Variants in TUT4 observed in about 807,000 individuals in gnomAD.
TUT4 encodes the protein terminal uridylyltransferase 4.
A neutral mutation model predicts 192.2 loss-of-function variants in TUT4; 36 were observed. The ratio of observed to expected loss-of-function variants is 0.19; its 90% CI spans 0.14 to 0.25. TUT4 has a LOEUF of 0.25. Ranked by LOEUF, TUT4 falls within the 10% of genes least tolerant of loss-of-function variation. The pLI is 1.00. For synonymous variants in TUT4, 618 were observed against 666.0 expected (o/e 0.93, Z 1.11); for missense variants, 1,493 against 1,957.2 (o/e 0.76, Z 4.47).
chr1:52,478,255 T>C (rs1667592869), intron 11 of TUT4, among the ~76,000 whole-genome samples: 1 of 152,196 alleles, frequency 6.6e-6, no homozygotes, highest in Admixed American at 6.5e-5. Flanking sequence ...CCTTAAGTAA[T>C]TTTCATGTGC....
chr1:52,459,548 C>A (rs2148668948), intron 19 of TUT4, among the ~76,000 whole-genome samples: 1 of 152,274 alleles, frequency 6.6e-6, no homozygotes, highest in Non-Finnish European at 1.5e-5. Context: ...GTAATCACAC[C>A]ACTTTACTCC....
At chr1:52,485,599 G>C (rs1328583759) in intron 9 of TUT4, among the ~76,000 whole-genome samples, 1 of 151,812 alleles carries the variant, frequency 6.6e-6, no homozygotes, top group Non-Finnish European at 1.5e-5. Context: ...TTTAATAAAT[G>C]GTTTTCATCA....
chr1:52,493,464 T>C (rs1671690244), intron 7 of TUT4, 147 bp downstream of exon 7: 1 of 559,648 alleles, frequency 1.8e-6, no homozygotes, highest in African/African-American at 2.0e-5. Context: ...TATAAACAAG[T>C]GTGTGTATGT....
intron 1 of TUT4, among the ~76,000 whole-genome samples, chr1:52,552,493 T>C (rs1173380158): frequency 2.6e-5 from 4 of 152,232 alleles, no homozygotes; most frequent in Non-Finnish European, 4.4e-5. Flanking sequence ...TTATATACAT[T>C]ATGTAGTCAC....
At chr1:52,529,125 G>A (rs1203859035) in intron 1 of TUT4, among the ~76,000 whole-genome samples, 1 of 151,670 alleles carries the variant, frequency 6.6e-6, no homozygotes, top group East Asian at 1.9e-4. Context: ...TTATTATAAT[G>A]AAAACTAAAG....
chr1:52,468,417 G>A (rs1664815467), intron 14 of TUT4, 150 bp from the exon 15 acceptor site: 1 of 596,598 alleles, frequency 1.7e-6, no homozygotes, highest in Non-Finnish European at 2.8e-6. Context: ...ATGTTACTGG[G>A]GAAGGGTCTG....
At chr1:52,488,058 T>C (rs1337286225) in intron 9 of TUT4, among the ~76,000 whole-genome samples, 1 of 151,958 alleles carries the variant, frequency 6.6e-6, no homozygotes, top group Non-Finnish European at 1.5e-5. Flanking sequence ...AGGCCTTGAG[T>C]ATAAAGAAGC....
rs1649547641 is a variant in TUT4 at position 52,425,463 on chromosome 1, C to T, written c.4756G>A (p.Ala1586Thr). 3.7e-6 allele frequency: 6 copies of T among 1,613,816 alleles called. No homozygotes were observed. The East Asian group carries it at 1.3e-4, about 36-fold the overall frequency. The change falls in exon 29 of 30, where the codon GCA (alanine) becomes ACA (threonine). Residue 1586 changes from alanine (A) to threonine (T), a missense_variant. Around this residue, in one of 7 missense-constraint regions of TUT4, gnomAD observed 351 missense variants for 397.8 expected, o/e 0.88. Coordinates refer to ENST00000257177, the MANE Select transcript of TUT4 (RefSeq NM_001009881.3). ...ACAAGGGGGAAATGGGGACGCGGTG[C>T]ATGTTCCCAAGGAATTGGAGGAGTC... The part of the protein sequence containing the change: ...GLTPPIPWEH[A>T]PRPHFPLVPA...
chr1:52,545,001 G>A (rs189582678), intron 1 of TUT4, among the ~76,000 whole-genome samples: 9 of 150,712 alleles, frequency 6.0e-5, no homozygotes, highest in Admixed American at 5.9e-4. Context: ...AGGCTGCACT[G>A]AGCCATGATT....
At chr1:52,474,601 A>G (rs1355521445) in intron 13 of TUT4, among the ~76,000 whole-genome samples, 1 of 152,216 alleles carries the variant, frequency 6.6e-6, no homozygotes, top group East Asian at 1.9e-4. Flanking sequence ...TTCATATATG[A>G]GAAAGTAAAG....
In TUT4 at chr1:52,490,808, A is replaced by C; in HGVS notation, c.1319-7T>G. On this transcript the variant is annotated splice_region_variant and splice_polypyrimidine_tract_variant and intron_variant, in intron 7 of 29. Coordinates refer to ENST00000257177, the MANE Select transcript of TUT4 (RefSeq NM_001009881.3). ...TCCACATCTACATATAATACTAATA[A>C]GGAAAAAAAAAAGTAAGCTAATGTC... is the stretch of plus-strand genomic sequence containing the variant. 1 of 1,603,504 alleles carries C rather than the reference A, an allele frequency of 6.2e-7. No individual in the cohort carries two copies. Among genetic ancestry groups the C allele is most frequent in the Non-Finnish European group, 8.5e-7 (1 of 1,174,540 alleles).
rs546535507 is a variant in TUT4 at position 52,525,630 on chromosome 1, T to C, written c.651A>G (p.Thr217=). 31 of 1,614,214 alleles carry C rather than the reference T, an allele frequency of 1.9e-5. No individual in the cohort carries two copies. The highest frequency in any genetic ancestry group is 7.7e-5 in the South Asian group (7 of 91,084). ...CAGAATCACCAGTATTATCTGTACA[T>C]GTCTGTTGCTTCTGAGATCGTGGTG... ...QNSPRSQKQQ[T]CTDNTGDSDD... is the part of the protein sequence containing the mutation. The change falls in exon 2 of 30, where the codon ACA becomes ACG. Residue 217 remains threonine, a synonymous_variant. Transcript: ENST00000257177.
chr1:52,501,235 T>C (rs931976748), intron 4 of TUT4, among the ~76,000 whole-genome samples: 4 of 152,056 alleles, frequency 2.6e-5, no homozygotes, highest in Non-Finnish European at 2.9e-5. Flanking sequence ...CCAGAATATA[T>C]AAATAATCCC....
rs565137999 is a variant in TUT4 at position 52,479,962 on chromosome 1, T to C, written c.1848+1461A>G. Among the ~76,000 whole-genome samples the C allele has an allele frequency of 1.8e-3, 242 of 131,676 alleles. 1 individual carries two copies. The highest frequency in any genetic ancestry group is 6.9e-3 in the African/African-American group (230 of 33,412). The allele number at this position is 131,676 out of a possible 152,430, so 86.4% of individuals were successfully genotyped here. On this transcript the variant is annotated intron_variant, in intron 11 of 29. Coordinates refer to ENST00000257177, the MANE Select transcript of TUT4 (RefSeq NM_001009881.3). ...GTGAACTGAGATCGTGCCACTGCAC[T>C]CCAGCCTGGGCGACAGAGCGAGACT...
intron 20 of TUT4, among the ~76,000 whole-genome samples, chr1:52,453,885 C>T (rs1660129091): frequency 6.6e-6 from 1 of 152,152 alleles, no homozygotes; most frequent in Non-Finnish European, 1.5e-5. Flanking sequence ...AGCAAGTTTA[C>T]AAGACACAAG....
At chr1:52,455,502 A>C (rs6687100) in intron 20 of TUT4, among the ~76,000 whole-genome samples, 13,133 of 150,246 alleles carry the variant, frequency 0.087, 1,906 homozygotes, top group African/African-American at 0.3. Flanking sequence ...CCAGCTATTC[A>C]GGAGGCTGAG....
chr1:52,459,989 G>A (rs943954374), intron 19 of TUT4, among the ~76,000 whole-genome samples: 6 of 152,156 alleles, frequency 3.9e-5, no homozygotes, highest in African/African-American at 7.2e-5. Context: ...CTTCCCTTGA[G>A]CAAGGATTTA....
At chr1:52,501,447 G>C (rs969044269) in intron 4 of TUT4, among the ~76,000 whole-genome samples, 2 of 151,588 alleles carry the variant, frequency 1.3e-5, no homozygotes, top group Non-Finnish European at 2.9e-5. Flanking sequence ...GGGGGGCGGG[G>C]GGAGGCAGAA....
chr1:52,498,902 TTATATA>T (rs60991652), intron 4 of TUT4, among the ~76,000 whole-genome samples: 258 of 23,234 alleles, frequency 0.011, 8 homozygotes, highest in African/African-American at 0.014. Flanking sequence ...AAAAAAAAAA[TTATATA>T]TATATATATA....
Sources: gnomAD v4.1 joint callset for allele counts (sites outside exome capture counted in the v4.1 genomes callset) on GRCh38, gnomAD v4.1.1 for gene constraint, gnomAD v4.1.1 regional missense constraint, MANE v1.5 for transcripts, NCBI Gene and HGNC (gene_info 2026-07-23, HGNC 2026-07-21) for gene names.